The following PTPRD variants were observed in gnomAD, a reference collection of about 807,000 sequenced individuals.
The protein encoded by PTPRD is receptor-type tyrosine-protein phosphatase delta.
Under a neutral mutation model 214.5 loss-of-function variants are expected in PTPRD, and 34 were observed. The ratio of observed to expected loss-of-function variants is 0.16; its 90% CI spans 0.12 to 0.21. PTPRD has a LOEUF of 0.21. Ranked by LOEUF, PTPRD falls within the 10% of genes least tolerant of loss-of-function variation. PTPRD has a pLI of 1.00. For missense variants in PTPRD, 2,545 were observed against 2,398.7 expected (o/e 1.06, Z -1.27); for synonymous variants, 1,128 against 845.7 (o/e 1.33, Z -5.79).
intron 3 of PTPRD, among the ~76,000 whole-genome samples, chr9:10,212,456 A>G (rs985437091): frequency 6.6e-6 from 1 of 152,128 alleles, no homozygotes; most frequent in African/African-American, 2.4e-5. Flanking sequence ...AGACAATATT[A>G]AAGATGAAAT....
chr9:8,330,245 G>A (rs984272548), intron 44 of PTPRD, among the ~76,000 whole-genome samples: 90 of 152,258 alleles, frequency 5.9e-4, no homozygotes, highest in Non-Finnish European at 1.1e-3. Flanking sequence ...AATGGGAAAC[G>A]CAGAAATCCC....
chr9:10,598,674 ATGTGTGTGTGTG>A (rs36093644), intron 2 of PTPRD, among the ~76,000 whole-genome samples: 3 of 143,796 alleles, frequency 2.1e-5, no homozygotes, highest in African/African-American at 7.7e-5. Context: ...TTATATATGT[ATGTGTGTGTGTG>A]TGTGTGTGTG....
chr9:9,062,889 C>T (rs559095271), intron 10 of PTPRD, among the ~76,000 whole-genome samples: 2 of 152,246 alleles, frequency 1.3e-5, no homozygotes, highest in South Asian at 4.1e-4. Context: ...GCTTATGTCA[C>T]AGGGGTGTTT....
chr9:8,734,385 T>C (rs1007735412), intron 11 of PTPRD, among the ~76,000 whole-genome samples: 1 of 152,206 alleles, frequency 6.6e-6, no homozygotes, highest in Non-Finnish European at 1.5e-5. Context: ...GACACAATAA[T>C]GGAAGCTGCT....
At chr9:8,862,914 G>T (rs986324035) in intron 11 of PTPRD, among the ~76,000 whole-genome samples, 3 of 152,076 alleles carry the variant, frequency 2.0e-5, no homozygotes, top group Non-Finnish European at 2.9e-5. Flanking sequence ...CTCTGGGGAC[G>T]GTTGTGGGGT....
chr9:9,214,845 C>T (rs1396682088), intron 9 of PTPRD, among the ~76,000 whole-genome samples: 1 of 152,048 alleles, frequency 6.6e-6, no homozygotes, highest in Non-Finnish European at 1.5e-5. Flanking sequence ...GTGATATGTA[C>T]TAACAGTATT....
At chr9:10,486,692 T>A (rs1363902929) in intron 2 of PTPRD, among the ~76,000 whole-genome samples, 2 of 152,234 alleles carry the variant, frequency 1.3e-5, no homozygotes, top group Non-Finnish European at 2.9e-5. Flanking sequence ...TTCAATTTTT[T>A]AAATGTTTTA....
At chr9:8,369,675 AT>A (rs1013163138) in intron 39 of PTPRD, among the ~76,000 whole-genome samples, 3 of 151,708 alleles carry the variant, frequency 2.0e-5, no homozygotes, top group African/African-American at 7.3e-5. Flanking sequence ...CCCCTTTTCA[AT>A]TTTTTTCATA....
At chr9:9,982,498 G>T (rs897310899) in intron 4 of PTPRD, among the ~76,000 whole-genome samples, 9 of 151,394 alleles carry the variant, frequency 5.9e-5, no homozygotes, top group African/African-American at 1.9e-4. Flanking sequence ...GTGTGTGTGT[G>T]TGTGTGTGTG....
rs182327771 is a variant in PTPRD, at chr9:8,863,395, G to A, written c.-103-129449C>T. ...ACACTGGGTCATTTTTTTCTTGTGA[G>A]CAAGAAGTGAAGGGAGAAAACAAAG... On this transcript the variant is annotated intron_variant, in intron 11 of 45. Transcript: ENST00000381196. Among the ~76,000 whole-genome samples, 598 of 152,318 alleles carry A rather than the reference G, an allele frequency of 3.9e-3. 6 individuals are homozygous for A. Among genetic ancestry groups the A allele is most frequent in the African/African-American group, 0.014 (579 of 41,564 alleles).
chr9:8,414,544 T>C (rs1486568957), intron 35 of PTPRD, among the ~76,000 whole-genome samples: 5 of 152,038 alleles, frequency 3.3e-5, no homozygotes, highest in African/African-American at 1.2e-4. Context: ...GCCACTTATG[T>C]TGGGAGTTAT....
intron 11 of PTPRD, among the ~76,000 whole-genome samples, chr9:8,922,272 T>TTTTCATC (rs2098832999): frequency 6.6e-6 from 1 of 152,224 alleles, no homozygotes; most frequent in African/African-American, 2.4e-5. Flanking sequence ...ACCCAACTGA[T>TTTTCATC]AATTTTCATC....
chr9:10,533,606 A>C (rs935109707), intron 2 of PTPRD, among the ~76,000 whole-genome samples: 7 of 152,046 alleles, frequency 4.6e-5, no homozygotes, highest in African/African-American at 1.7e-4. Context: ...AATAATAATA[A>C]ATAATGGTAA....
At chr9:9,545,452 T>C (rs2078565890) in intron 8 of PTPRD, among the ~76,000 whole-genome samples, 1 of 151,892 alleles carries the variant, frequency 6.6e-6, no homozygotes, top group Admixed American at 6.6e-5. Flanking sequence ...GCATTTAAGA[T>C]TCCTCCATGT....
At chr9:8,886,634 C>CA (rs2098490939) in intron 11 of PTPRD, among the ~76,000 whole-genome samples, 1 of 152,154 alleles carries the variant, frequency 6.6e-6, no homozygotes, top group African/African-American at 2.4e-5. Context: ...AATGATGTCA[C>CA]ATTCTAACTA....
intron 11 of PTPRD, among the ~76,000 whole-genome samples, chr9:8,739,980 C>T (rs571627537): frequency 2.4e-4 from 37 of 152,284 alleles, no homozygotes; most frequent in African/African-American, 8.2e-4. Context: ...ACTGTAAGTC[C>T]ATTAAACCTT....
intron 7 of PTPRD, among the ~76,000 whole-genome samples, chr9:9,727,927 G>T (rs922172840): frequency 5.3e-5 from 8 of 152,140 alleles, no homozygotes; most frequent in African/African-American, 1.9e-4. Context: ...ATTTGGCTGT[G>T]TTCTCAGTCA....
chr9:10,147,580 G>T (rs1056037726), intron 3 of PTPRD, among the ~76,000 whole-genome samples: 1 of 152,080 alleles, frequency 6.6e-6, no homozygotes. Flanking sequence ...TTATAGAGAT[G>T]CAAAAGCTAC....
chr9:10,455,947 A>T (rs1030450255), intron 2 of PTPRD, among the ~76,000 whole-genome samples: 1 of 151,846 alleles, frequency 6.6e-6, no homozygotes, highest in African/African-American at 2.4e-5. Flanking sequence ...GTTTGTTTCT[A>T]ATCCCTTGTT....
Sources: allele counts gnomAD v4.1 joint callset (sites outside exome capture counted in the v4.1 genomes callset), GRCh38; gene constraint gnomAD v4.1.1; transcripts MANE v1.5; gene names NCBI Gene and HGNC (gene_info 2026-07-23, HGNC 2026-07-21).